ADAM19: variants seen among roughly 807,000 people sequenced by gnomAD.
ADAM19 encodes ADAM metallopeptidase domain 19, also known as disintegrin and metalloproteinase domain-containing protein 19.
Under a neutral mutation model 114.7 loss-of-function variants are expected in ADAM19, and 65 were observed. That is an observed-to-expected ratio of 0.57 (90% CI 0.46 to 0.70). ADAM19 has a LOEUF of 0.70. ADAM19 is among the 30% of genes least tolerant of loss of function. The pLI, the probability that ADAM19 is intolerant of heterozygous loss-of-function variation, is 0.00. For synonymous variants in ADAM19, 466 were observed against 460.5 expected (o/e 1.01, Z -0.15); for missense variants, 1,063 against 1,204.7 (o/e 0.88, Z 1.74).
At chr5:157,492,003 G>T in intron 16 of ADAM19, 91 bp from the exon 17 acceptor site, 1 of 1,273,138 alleles carries the variant, frequency 7.9e-7, no homozygotes, top group Non-Finnish European at 1.1e-6. Flanking sequence ...AACATATGAG[G>T]ACCCATGGCC....
At chr5:157,487,482 G>A (rs1391593610) in intron 21 of ADAM19, among the ~76,000 whole-genome samples, 2 of 152,170 alleles carry the variant, frequency 1.3e-5, no homozygotes, top group African/African-American at 2.4e-5. Context: ...TCTCAGTTGA[G>A]GGGTCACACC....
chr5:157,501,211 TC>T (rs1443465069), intron 12 of ADAM19, among the ~76,000 whole-genome samples: 1 of 152,072 alleles, frequency 6.6e-6, no homozygotes, highest in Non-Finnish European at 1.5e-5. Flanking sequence ...CCATATTTCT[TC>T]CCACGAAGGC....
chr5:157,518,735 G>A, intron 7 of ADAM19, 88 bp downstream of exon 7: 2 of 1,061,432 alleles, frequency 1.9e-6, no homozygotes, highest in Non-Finnish European at 2.9e-6. Context: ...AAGATGAATG[G>A]GCAACATTTC....
intron 8 of ADAM19, among the ~76,000 whole-genome samples, chr5:157,510,833 T>C (rs1755898551): frequency 6.6e-6 from 1 of 152,212 alleles, no homozygotes; most frequent in Admixed American, 6.5e-5. Context: ...ATTTTGGAAG[T>C]AAATGAGTAT....
Position 157,571,077 on chromosome 5 carries a change from A to G in ADAM19, c.95-97T>C, listed in dbSNP as rs891394859. 1.0e-5 allele frequency: 10 copies of G among 974,462 alleles called. No homozygotes were observed. In the African/African-American group the frequency reaches 1.3e-4, roughly 13 times the overall value. The allele number at this position is 974,462 out of a possible 1,614,324, so 60.4% of individuals were successfully genotyped here. ...CTGTGAGCTGCCCCTGCACTGGGTC[A>G]TTAGAAGACTTGCTGGATTTCAGGC... On this transcript the variant is annotated intron_variant, in intron 1 of 22. Coordinates refer to ENST00000257527, the MANE Select transcript of ADAM19 (RefSeq NM_033274.5).
rs1324035648 is a variant in ADAM19, at chr5:157,509,430, C to A, written c.776G>T (p.Gly259Val). 2 of 1,610,030 alleles carry A rather than the reference C, an allele frequency of 1.2e-6. No individual in the cohort carries two copies. Among genetic ancestry groups the A allele is most frequent in the Non-Finnish European group, 1.7e-6 (2 of 1,177,860 alleles). The change falls in exon 9 of 23, where the codon GGC becomes GTC. Residue 259 changes from glycine to valine, a missense_variant. Coordinates refer to ENST00000257527, the MANE Select transcript of ADAM19 (RefSeq NM_033274.5). The stretch of plus-strand genomic sequence containing the variant: ...GTTCCCGTGGGTCCACACTTCCAAG[C>A]CCACGAGAGCAATCCGGATGTTCAA... Reference protein sequence around the residue: ...RSLNIRIALVGLEVWTHGNMC... With the variant: ...RSLNIRIALVVLEVWTHGNMC...
chr5:157,493,748 G>T (rs1990950), intron 15 of ADAM19, among the ~76,000 whole-genome samples: 57,244 of 151,964 alleles, frequency 0.38, 11,358 homozygotes, highest in East Asian at 0.73. Flanking sequence ...CCATGCATTT[G>T]AGGCTTTTCA....
intron 7 of ADAM19, among the ~76,000 whole-genome samples, chr5:157,513,909 C>T (rs1013984055): frequency 6.6e-6 from 1 of 152,234 alleles, no homozygotes; most frequent in Non-Finnish European, 1.5e-5. Context: ...ACAGATCTCA[C>T]GAGGCTTCCC....
Position 157,479,228 on chromosome 5 carries a change from T to C in ADAM19, c.*1721A>G. On this transcript the variant is annotated 3_prime_UTR_variant, in exon 23 of 23. Transcript: ENST00000257527. ...ATCTTTCTAAACCCAACCCAGGCTT[T>C]TCCCCCAGGGGTACATCCCGTATTT... 1.0e-6 allele frequency: 1 copy of C among 985,900 alleles called. No individual in the cohort carries two copies. The highest frequency in any genetic ancestry group is 4.7e-5 in the South Asian group (1 of 21,290). The allele number at this position is 985,900 out of a possible 1,614,324, so 61.1% of individuals were successfully genotyped here.
At chr5:157,548,955 C>T (rs1358466211) in intron 3 of ADAM19, among the ~76,000 whole-genome samples, 2 of 152,196 alleles carry the variant, frequency 1.3e-5, no homozygotes, top group Non-Finnish European at 2.9e-5. Flanking sequence ...GTCTGCATCC[C>T]GCCCACCAGC....
intron 3 of ADAM19, among the ~76,000 whole-genome samples, chr5:157,556,793 A>G: frequency 6.6e-6 from 1 of 152,244 alleles, no homozygotes; most frequent in South Asian, 2.1e-4. Flanking sequence ...TATCTCATTC[A>G]AAGGGTTGCC....
intron 21 of ADAM19, among the ~76,000 whole-genome samples, chr5:157,482,739 A>G (rs1199787415): frequency 6.6e-6 from 1 of 152,226 alleles, no homozygotes; most frequent in Non-Finnish European, 1.5e-5. Flanking sequence ...TCATTCTACT[A>G]TAAAGACACA....
At chr5:157,575,332 A>G (rs1218073107) in intron 1 of ADAM19, among the ~76,000 whole-genome samples, 1 of 152,328 alleles carries the variant, frequency 6.6e-6, no homozygotes, top group African/African-American at 2.4e-5. Context: ...AAAAGCAGAA[A>G]AACAGAGGAA....
rs1755028160 is a variant in ADAM19 at position 157,488,451 on chromosome 5, C to T, written c.2364G>A (p.Gln788=). 6 of 1,608,794 alleles carry T rather than the reference C, an allele frequency of 3.7e-6. No individual in the cohort carries two copies. In the South Asian group the frequency reaches 5.5e-5, roughly 15 times the overall value. ...AATCTGGAGGGGGCCGGGGAGGAGG[C>T]TGGGAGGGCTTCCGCAGGATTTCCG... ...NTPEILRKPS[Q]PPPRPPPDYL... is the part of the protein sequence containing the mutation. Residue 788 remains glutamine (Q), a synonymous_variant, in exon 21 of 23, where the codon CAG becomes CAA. Coordinates refer to ENST00000257527, the MANE Select transcript of ADAM19 (RefSeq NM_033274.5).
Position 157,502,961 on chromosome 5 carries a change from A to G in ADAM19, c.1150T>C (p.Phe384Leu). 1 of 1,613,998 alleles carries G rather than the reference A, an allele frequency of 6.2e-7. No homozygotes were observed. Among genetic ancestry groups the G allele is most frequent in the Non-Finnish European group, 8.5e-7 (1 of 1,179,914 alleles). ...AGCTCCCTCCTGTTGCATCCATTGAACACTTTGGGAAAGGGGTGCCTGGCA... is the reference window on the plus strand; with the variant it reads ...AGCTCCCTCCTGTTGCATCCATTGAGCACTTTGGGAAAGGGGTGCCTGGCA... Reference protein sequence around the residue: ...AATGHPFPKVFNGCNRRELDR... With the variant: ...AATGHPFPKVLNGCNRRELDR... The change falls in exon 12 of 23, where the codon TTC becomes CTC. Residue 384 changes from phenylalanine to leucine, a missense_variant. Physicochemically the swap from Phe to Leu is conservative, Grantham distance 22 (BLOSUM62 0). Coordinates refer to ENST00000257527, the MANE Select transcript of ADAM19 (RefSeq NM_033274.5).
At chr5:157,514,991 A>G (rs990427101) in intron 7 of ADAM19, among the ~76,000 whole-genome samples, 4 of 152,258 alleles carry the variant, frequency 2.6e-5, no homozygotes, top group African/African-American at 9.6e-5. Context: ...AGAAAGAACA[A>G]GAACAGCCAA....
At chr5:157,488,890 C>T (rs927307582) in intron 20 of ADAM19, among the ~76,000 whole-genome samples, 1 of 152,140 alleles carries the variant, frequency 6.6e-6, no homozygotes, top group Non-Finnish European at 1.5e-5. Context: ...ATTAGCCAGG[C>T]ATGGTGGTGG....
rs201773615 is a variant in ADAM19, at chr5:157,494,752, C to G, written c.1638G>C (p.Val546=). Residue 546 remains valine (V), a synonymous_variant, in exon 15 of 23, where the codon GTG becomes GTC. Coordinates refer to ENST00000257527, the MANE Select transcript of ADAM19 (RefSeq NM_033274.5). ...CACAGTTTCCAAAGGTGTCTCCTGCCACATTCACCTTCTCGAAGCAGAGGT... is the reference window on the plus strand; with the variant it reads ...CACAGTTTCCAAAGGTGTCTCCTGCGACATTCACCTTCTCGAAGCAGAGGT... ...APDLCFEKVN[V]AGDTFGNCGK... is the part of the protein sequence containing the mutation. 1 of 1,613,908 alleles carries G rather than the reference C, an allele frequency of 6.2e-7. No homozygotes were observed.
chr5:157,541,522 T>C (rs1756917813), intron 3 of ADAM19, among the ~76,000 whole-genome samples: 1 of 152,116 alleles, frequency 6.6e-6, no homozygotes, highest in Non-Finnish European at 1.5e-5. Context: ...TCTGGGTCAT[T>C]TAGATTCCAA....
Sources: gnomAD v4.1 joint callset for allele counts (sites outside exome capture counted in the v4.1 genomes callset) on GRCh38, gnomAD v4.1.1 for gene constraint, MANE v1.5 for transcripts, NCBI Gene and HGNC (gene_info 2026-07-23, HGNC 2026-07-21) for gene names.